NR1H4: variants seen among roughly 807,000 people sequenced by gnomAD.
The protein encoded by NR1H4 is bile acid receptor.
NR1H4 carries 23 observed loss-of-function variants against 58.5 expected under a neutral mutation model. The observed-to-expected ratio is 0.39, with a 90% confidence interval of 0.28 to 0.56. The LOEUF is 0.56. Ranked by LOEUF, NR1H4 falls within the 20% of genes least tolerant of loss-of-function variation. NR1H4 has a pLI of 0.58. For synonymous variants in NR1H4, 214 were observed against 198.0 expected, an observed-to-expected ratio of 1.08 and a Z score of -0.68; for missense variants, 487 against 576.9, an observed-to-expected ratio of 0.84 and a Z score of 1.60.
rs1400288271 is a variant in NR1H4, at chr12:100,510,898, A to G, written c.200A>G (p.Tyr67Cys). 2.5e-6 allele frequency: 4 copies of G among 1,614,072 alleles called. No homozygotes were observed. In the East Asian group the frequency reaches 8.9e-5, roughly 36 times the overall value. The change falls in exon 4 of 11, where the codon TAT becomes TGT. Residue 67 changes from tyrosine to cysteine, a missense_variant. Coordinates refer to ENST00000392986, the MANE Select transcript of NR1H4 (RefSeq NM_001206979.2). Reference sequence around the variant, plus strand: ...CCACAGATTTCCTCGTCATCCTATTATTCCAACCTGGGTTTCTACCCCCAG... The same window carrying G: ...CCACAGATTTCCTCGTCATCCTATTGTTCCAACCTGGGTTTCTACCCCCAG... The part of the protein sequence containing the change: ...VQPQISSSSY[Y>C]SNLGFYPQQP...
At chr12:100,484,853 A>T (rs1953457415) in intron 1 of NR1H4, among the ~76,000 whole-genome samples, 1 of 152,156 alleles carries the variant, frequency 6.6e-6, no homozygotes, top group South Asian at 2.1e-4. Flanking sequence ...CAAACATTTT[A>T]TGGGGAGGAA....
intron 1 of NR1H4, among the ~76,000 whole-genome samples, chr12:100,488,080 A>C (rs1306738514): frequency 6.6e-6 from 1 of 151,974 alleles, no homozygotes; most frequent in Non-Finnish European, 1.5e-5. Flanking sequence ...GGGTCACTGC[A>C]ACTTCTGCCT....
At chr12:100,521,703 A>C (rs1954423540) in intron 4 of NR1H4, among the ~76,000 whole-genome samples, 1 of 152,200 alleles carries the variant, frequency 6.6e-6, no homozygotes, top group Non-Finnish European at 1.5e-5. Context: ...AAAGTATTGA[A>C]ACTATTCCAG....
chr12:100,529,136 G>C (rs1207104410), intron 4 of NR1H4, among the ~76,000 whole-genome samples: 1 of 152,158 alleles, frequency 6.6e-6, no homozygotes, highest in African/African-American at 2.4e-5. Context: ...AAAATGTTAA[G>C]ATCTTTCCTA....
At chr12:100,487,640 GGCTGGAGTGCTGGAGT>G (rs1176025551) in intron 1 of NR1H4, among the ~76,000 whole-genome samples, 2 of 138,498 alleles carry the variant, frequency 1.4e-5, no homozygotes, top group Admixed American at 8.4e-5. Context: ...CTGTTGCCCA[GGCTGGAGTGCTGGAGT>G]GCTGGAGTGC....
intron 4 of NR1H4, among the ~76,000 whole-genome samples, chr12:100,517,358 G>A (rs1288181896): frequency 6.6e-6 from 1 of 152,102 alleles, no homozygotes; most frequent in East Asian, 1.9e-4. Flanking sequence ...CAAATGGCAG[G>A]ATTTCATTCT....
rs1224552527 is a variant in NR1H4 at position 100,510,863 on chromosome 12, C to A, written c.165C>A (p.Pro55=). The A allele has an allele frequency of 8.1e-6, 13 of 1,614,122 alleles. No individual in the cohort carries two copies. Among genetic ancestry groups the A allele is most frequent in the Non-Finnish European group, 1.0e-5 (12 of 1,180,022 alleles). Residue 55 remains proline, a synonymous_variant, in exon 4 of 11, where the codon CCC becomes CCA. Coordinates refer to ENST00000392986, the MANE Select transcript of NR1H4 (RefSeq NM_001206979.2). ...PYSQYSNVQF[P]QVQPQISSSS... ...CGCAATACAGCAATGTTCAGTTTCCCCAAGTTCAACCACAGATTTCCTCGT... is the reference window on the plus strand; with the variant it reads ...CGCAATACAGCAATGTTCAGTTTCCACAAGTTCAACCACAGATTTCCTCGT...
At chr12:100,561,254 C>T (rs573420869) in intron 9 of NR1H4, among the ~76,000 whole-genome samples, 30 of 151,890 alleles carry the variant, frequency 2.0e-4, no homozygotes, top group African/African-American at 7.0e-4. Flanking sequence ...AAAAATTAGC[C>T]GGGCGCGGTG....
intron 4 of NR1H4, among the ~76,000 whole-genome samples, chr12:100,515,099 A>G (rs1346125500): frequency 6.9e-6 from 1 of 144,820 alleles, no homozygotes; most frequent in Non-Finnish European, 1.5e-5. Context: ...CCAGAGCTCC[A>G]TTTGGCCATC....
At chr12:100,541,488 C>G (rs1954934008) in intron 9 of NR1H4, among the ~76,000 whole-genome samples, 1 of 151,862 alleles carries the variant, frequency 6.6e-6, no homozygotes, top group Non-Finnish European at 1.5e-5. Context: ...CTCCATGTTT[C>G]CCGAGCTGGT....
rs60277729 is a variant in NR1H4 at position 100,543,559 on chromosome 12, TTG to T, written c.1078+2769_1078+2770del. On this transcript the variant is annotated intron_variant, in intron 9 of 10. Coordinates refer to ENST00000392986, the MANE Select transcript of NR1H4 (RefSeq NM_001206979.2). ...AATATGGATTTTGGTTCTGGACAGA[TTG>T]TGTGTGTGTGTGTGTGTGTGTGTGT... Among the ~76,000 whole-genome samples, 143 of 144,610 alleles carry T rather than the reference TTG, an allele frequency of 9.9e-4. 1 individual carries two copies. Among genetic ancestry groups the T allele is most frequent in the Non-Finnish European group, 1.1e-3 (74 of 65,134 alleles). The allele number at this position is 144,610 out of a possible 152,430, so 94.9% of individuals were successfully genotyped here.
rs1953645173 is a variant in NR1H4, at chr12:100,493,388, C to T, written c.65C>T (p.Ser22Phe). Reference sequence around the variant, plus strand: ...CCTACCACAGATGAATTTTCTTTTTCTGAAAATTTATTTGGTAAGTTGTCA... The same window carrying T: ...CCTACCACAGATGAATTTTCTTTTTTTGAAAATTTATTTGGTAAGTTGTCA... ...HLPTTDEFSF[S>F]ENLFGVLTEQ... Residue 22 changes from serine to phenylalanine, a missense_variant, in exon 3 of 11, where the codon TCT becomes TTT. Physicochemically the swap from Ser to Phe is radical, Grantham distance 155. Transcript: ENST00000392986. 4 of 1,525,984 alleles carry T rather than the reference C, an allele frequency of 2.6e-6. No homozygotes were observed. The highest frequency in any genetic ancestry group is 3.6e-6 in the Non-Finnish European group (4 of 1,107,510). 94.5% of individuals were successfully genotyped at this position (1,525,984 alleles called of 1,614,324 possible).
At chr12:100,534,137 C>A (rs1954760554) in intron 5 of NR1H4, among the ~76,000 whole-genome samples, 1 of 152,158 alleles carries the variant, frequency 6.6e-6, no homozygotes, top group African/African-American at 2.4e-5. Flanking sequence ...ACCTCATCCA[C>A]CCGCCTCGGC....
chr12:100,504,615 T>C (rs954142085), intron 3 of NR1H4, among the ~76,000 whole-genome samples: 1 of 152,242 alleles, frequency 6.6e-6, no homozygotes, highest in African/African-American at 2.4e-5. Context: ...TGTCAGGCAC[T>C]ATGCAGTTTC....
Position 100,510,975 on chromosome 12 carries a change from G to A in NR1H4, c.277G>A (p.Ala93Thr). 6.2e-7 allele frequency: 1 copy of A among 1,614,236 alleles called. No individual in the cohort carries two copies. Among genetic ancestry groups the A allele is most frequent in the South Asian group, 1.1e-5 (1 of 91,084 alleles). ...AATATATGAACTCAGGCGTATGCCA[G>A]CTGAGACTCTCTACCAGGGAGAAAC... is the stretch of plus-strand genomic sequence containing the variant. ...PGIYELRRMP[A>T]ETLYQGETEV... Residue 93 changes from alanine to threonine, a missense_variant, in exon 4 of 11, where the codon GCT becomes ACT. Physicochemically the swap from Ala to Thr is moderately conservative, Grantham distance 58. Transcript: ENST00000392986.
In NR1H4 at chr12:100,535,038, T is replaced by C. The variant is rs779775632; in HGVS notation, c.732+15T>C. ...AGTCATGCAGGGTAATAATATGCAATGGTGTCTGCCAAGACTGGCAGGAAC... is the reference window on the plus strand; with the variant it reads ...AGTCATGCAGGGTAATAATATGCAACGGTGTCTGCCAAGACTGGCAGGAAC... On this transcript the variant is annotated intron_variant, in intron 6 of 10. Coordinates refer to ENST00000392986, the MANE Select transcript of NR1H4 (RefSeq NM_001206979.2). 3 of 1,614,124 alleles carry C rather than the reference T, an allele frequency of 1.9e-6. No homozygotes were observed. The highest frequency in any genetic ancestry group is 1.7e-6 in the Non-Finnish European group (2 of 1,179,970).
intron 6 of NR1H4, among the ~76,000 whole-genome samples, chr12:100,535,822 A>G (rs989280738): frequency 6.6e-6 from 1 of 152,164 alleles, no homozygotes; most frequent in Non-Finnish European, 1.5e-5. Flanking sequence ...TCTTCAAAAG[A>G]TGCTGTAGAG....
intron 5 of NR1H4, 25 bp from the exon 6 acceptor site, chr12:100,534,865 A>C: frequency 6.2e-7 from 1 of 1,614,076 alleles, no homozygotes; most frequent in South Asian, 1.1e-5. Context: ...GTGATTGGTG[A>C]AGTCTCTATG....
At chr12:100,543,559 TTGTG>T (rs60277729) in intron 9 of NR1H4, among the ~76,000 whole-genome samples, 10 of 145,650 alleles carry the variant, frequency 6.9e-5, no homozygotes, top group African/African-American at 1.0e-4. Flanking sequence ...TCTGGACAGA[TTGTG>T]TGTGTGTGTG....
Sources: gnomAD v4.1 joint callset for allele counts (sites outside exome capture counted in the v4.1 genomes callset) on GRCh38, gnomAD v4.1.1 for gene constraint, MANE v1.5 for transcripts, NCBI Gene and HGNC (gene_info 2026-07-23, HGNC 2026-07-21) for gene names.